XRCC3: variants seen among roughly 807,000 people sequenced by gnomAD.
XRCC3 encodes X-ray repair cross complementing 3.
Under a neutral mutation model 29.2 loss-of-function variants are expected in XRCC3, and 34 were observed. The ratio of observed to expected loss-of-function variants is 1.16; its 90% CI spans 0.88 to 1.55. The LOEUF is 1.55. Ranked by LOEUF, XRCC3 falls within the 40% of genes most tolerant of loss-of-function variation. The probability of loss-of-function intolerance (pLI) is 0.00; values close to 1 mark genes in which losing one functional copy is unlikely to be tolerated. For synonymous variants in XRCC3, 223 were observed against 211.3 expected (o/e 1.06, Z -0.48); for missense variants, 463 against 467.6 (o/e 0.99, Z 0.09).
Position 103,708,472 on chromosome 14 carries a change from G to GAT in XRCC3, c.193+48_193+49dup, listed in dbSNP as rs3212047. 3,870 of 1,611,422 alleles carry GAT rather than the reference G, an allele frequency of 2.4e-3. 90 individuals carry two copies. The African/African-American group carries it at 0.045, about 19-fold the overall frequency. On this transcript the variant is annotated intron_variant, in intron 5 of 9. Transcript: ENST00000555055. ...CCCTGCCCTGCACCACTGGGACCAT[G>GAT]ATGCTGGAGCCACATGTCACCCCTG... is the stretch of plus-strand genomic sequence containing the variant.
intron 2 of XRCC3, 155 bp from the exon 3 acceptor site, chr14:103,711,722 C>T (rs1318091538): frequency 8.8e-6 from 4 of 456,172 alleles, no homozygotes; most frequent in Non-Finnish European, 1.8e-5. Context: ...AGGGAGCTGG[C>T]AGCCATTCCA....
At chr14:103,703,726 C>T (rs1350943825) in intron 6 of XRCC3, 3 of 295,324 alleles carry the variant, frequency 1.0e-5, no homozygotes, top group South Asian at 9.9e-5. Context: ...GGAAATGGCC[C>T]CTGAGCCCCG....
chr14:103,703,029 C>G, intron 7 of XRCC3, 144 bp downstream of exon 7: 1 of 1,303,494 alleles, frequency 7.7e-7, no homozygotes, highest in South Asian at 1.4e-5. Flanking sequence ...CGGGCGTAAA[C>G]CCCCATGACC....
intron 4 of XRCC3, chr14:103,708,898 A>G: frequency 1.9e-6 from 1 of 526,398 alleles, no homozygotes; most frequent in Non-Finnish European, 3.5e-6. Flanking sequence ...ACTCGGACAG[A>G]TACCAGCCTC....
chr14:103,708,486 A>AT, intron 5 of XRCC3, 36 bp downstream of exon 5: 1 of 1,612,402 alleles, frequency 6.2e-7, no homozygotes, highest in Non-Finnish European at 8.5e-7. Context: ...CTGGAGCCAC[A>AT]TGTCACCCCT....
In XRCC3 at chr14:103,707,208, C is replaced by T. The variant is rs1476202513; in HGVS notation, c.201G>A (p.Gln67=). 5 of 1,548,792 alleles carry T rather than the reference C, an allele frequency of 3.2e-6. No individual in the cohort carries two copies. Among genetic ancestry groups the T allele is most frequent in the Admixed American group, 2.0e-5 (1 of 51,004 alleles). The change falls in exon 6 of 10, where the codon CAG becomes CAA. Residue 67 remains glutamine, a synonymous_variant. Coordinates refer to ENST00000555055, the MANE Select transcript of XRCC3 (RefSeq NM_005432.4). ...GGAACCGCTCCTTCTGCTGGTGCAG[C>T]TGCAGTGCTAAAGGGCAGGGATAGT... is the stretch of plus-strand genomic sequence containing the variant. The part of the protein sequence containing the change: ...LRGSSILTAL[Q]LHQQKERFPT...
intron 7 of XRCC3, chr14:103,700,597 A>G: frequency 2.8e-6 from 4 of 1,418,750 alleles, no homozygotes; most frequent in Admixed American, 1.8e-5. Context: ...GGAGCTCTGA[A>G]GACGCCTGAG....
intron 5 of XRCC3, chr14:103,707,659 C>G: frequency 3.7e-6 from 1 of 270,294 alleles, no homozygotes; most frequent in South Asian, 4.1e-5. Context: ...CGTCAGTTCT[C>G]TGTGACAGAT....
chr14:103,701,566 T>A (rs945537558), intron 7 of XRCC3: 1 of 221,168 alleles, frequency 4.5e-6, no homozygotes, highest in Non-Finnish European at 8.9e-6. Flanking sequence ...AAAGTTTTTA[T>A]AAGACCTCTT....
In XRCC3 at chr14:103,698,901, C is replaced by CG. The variant is rs1567047536; in HGVS notation, c.937dup (p.Arg313ProfsTer46). On this transcript the variant is annotated frameshift_variant, in exon 10 of 10. Transcript: ENST00000555055. LOFTEE classifies it low-confidence loss of function (END_TRUNC). ...GGGGGCAGAGAGCACCCGCAGGGTC[C>CG]GGGCTGGGCAGCCGAGGGCAGCCTC... 1.2e-6 allele frequency: 2 copies of CG among 1,602,348 alleles called. No homozygotes were observed. Among genetic ancestry groups the CG allele is most frequent in the South Asian group, 2.2e-5 (2 of 89,328 alleles).
At chr14:103,706,313 T>C (rs1318989624) in intron 6 of XRCC3, 3 of 455,374 alleles carry the variant, frequency 6.6e-6, no homozygotes, top group African/African-American at 6.0e-5. Context: ...GGTCCGGCCC[T>C]GTGTGGGAAG....
intron 6 of XRCC3, chr14:103,703,883 T>C (rs996587094): frequency 1.1e-5 from 2 of 174,646 alleles, no homozygotes; most frequent in South Asian, 2.6e-4. Context: ...CCCTGACCCC[T>C]GTGCACTGCC....
chr14:103,701,234 T>G, intron 7 of XRCC3: 1 of 1,548,670 alleles, frequency 6.5e-7, no homozygotes, highest in Non-Finnish European at 8.7e-7. Context: ...AGGATGGGAC[T>G]GCCGAGTGTG....
Position 103,698,999 on chromosome 14 carries a change from A to T in XRCC3, c.840T>A (p.Val280=). The change falls in exon 10 of 10, where the codon GTT becomes GTA. Residue 280 remains valine (V), a synonymous_variant. Coordinates refer to ENST00000555055, the MANE Select transcript of XRCC3 (RefSeq NM_005432.4). ...CCCAGGTTATGCCAAGGGCTGGGGA[A>T]ACACGTTCGTCCCAGAACCTGAGAA... ...HGPLGFWDER[V]SPALGITWAN... is the part of the protein sequence containing the mutation. 1 of 1,592,882 alleles carries T rather than the reference A, an allele frequency of 6.3e-7. No individual in the cohort carries two copies. The highest frequency in any genetic ancestry group is 8.5e-7 in the Non-Finnish European group (1 of 1,169,696).
chr14:103,706,656 C>T, intron 6 of XRCC3: 2 of 406,664 alleles, frequency 4.9e-6, no homozygotes, highest in Non-Finnish European at 9.3e-6. Flanking sequence ...GCTGTGCTGC[C>T]CTCCCTGCGT....
At chr14:103,714,706 G>A (rs2083747248) in intron 1 of XRCC3, among the ~76,000 whole-genome samples, 1 of 152,196 alleles carries the variant, frequency 6.6e-6, no homozygotes, top group Non-Finnish European at 1.5e-5. Context: ...CTGAGATGGA[G>A]TCTTTTTCTG....
chr14:103,706,934 G>A (rs2083456898), intron 6 of XRCC3, 69 bp downstream of exon 6: 17 of 1,506,784 alleles, frequency 1.1e-5, no homozygotes, highest in Admixed American at 9.8e-5. Context: ...CCACCTCAAC[G>A]GAAAGCTGTC....
chr14:103,715,052 C>G (rs1443860549), intron 1 of XRCC3, among the ~76,000 whole-genome samples: 2 of 152,228 alleles, frequency 1.3e-5, no homozygotes. Context: ...CGATGCGAAG[C>G]CAGCGCGGTC....
chr14:103,710,742 C>CAA (rs374609724), intron 4 of XRCC3: 1,753 of 305,022 alleles, frequency 5.7e-3, no homozygotes, highest in South Asian at 9.0e-3. Context: ...ACCCCGTCTC[C>CAA]AAAAAAAAAA....
Sources: gnomAD v4.1 joint callset for allele counts (sites outside exome capture counted in the v4.1 genomes callset) on GRCh38, gnomAD v4.1.1 for gene constraint, MANE v1.5 for transcripts, NCBI Gene and HGNC (gene_info 2026-07-23, HGNC 2026-07-21) for gene names.